The following RCOR3 variants were observed in gnomAD, a reference collection of about 807,000 sequenced individuals.
RCOR3 encodes the protein REST corepressor 3.
In RCOR3, 13 loss-of-function variants were observed where a neutral mutation model predicts 64.1. That is an observed-to-expected ratio of 0.20 (90% CI 0.13 to 0.32). The LOEUF (loss-of-function observed/expected upper bound fraction) is 0.32. Ranked by LOEUF, RCOR3 falls within the 10% of genes least tolerant of loss-of-function variation. RCOR3 has a pLI of 1.00. For missense variants in RCOR3, 489 were observed against 701.2 expected, an observed-to-expected ratio of 0.70 and a Z score of 3.42; for synonymous variants, 215 against 239.0, an observed-to-expected ratio of 0.90 and a Z score of 0.93.
At chr1:211,297,277 C>T (rs935835077) in intron 9 of RCOR3, among the ~76,000 whole-genome samples, 5 of 152,046 alleles carry the variant, frequency 3.3e-5, no homozygotes, top group African/African-American at 1.2e-4. Flanking sequence ...TATAGCTTCC[C>T]TATGTGCTAT....
chr1:211,308,698 T>TTTTTTTTGTGTG (rs1701171863), intron 10 of RCOR3, among the ~76,000 whole-genome samples: 1 of 40,846 alleles, frequency 2.4e-5, no homozygotes, highest in African/African-American at 6.9e-5. Context: ...TTTTTTTTTT[T>TTTTTTTTGTGTG]TGTGTAGTCC....
chr1:211,266,511 A>C (rs1323107109), intron 2 of RCOR3, among the ~76,000 whole-genome samples: 1 of 152,124 alleles, frequency 6.6e-6, no homozygotes, highest in Non-Finnish European at 1.5e-5. Flanking sequence ...CAACAATTTC[A>C]TTTTCAGAAC....
intron 2 of RCOR3, among the ~76,000 whole-genome samples, chr1:211,269,983 T>G (rs1695883449): frequency 6.6e-6 from 1 of 152,042 alleles, no homozygotes; most frequent in Non-Finnish European, 1.5e-5. Flanking sequence ...AGAAAGAAAT[T>G]AGAAAATGTT....
At chr1:211,268,601 TC>T (rs1427777664) in intron 2 of RCOR3, among the ~76,000 whole-genome samples, 6 of 152,054 alleles carry the variant, frequency 3.9e-5, no homozygotes, top group Non-Finnish European at 8.8e-5. Context: ...GGTCTCGAAC[TC>T]CCGACCTCAG....
chr1:211,308,587 G>T (rs1356611997), intron 10 of RCOR3, among the ~76,000 whole-genome samples: 1 of 148,140 alleles, frequency 6.8e-6, no homozygotes, highest in African/African-American at 2.5e-5. Context: ...AAATTTTGCT[G>T]TGAAAGCCAG....
In RCOR3 at chr1:211,285,427, C is replaced by T. The variant is rs546266887; in HGVS notation, c.721-3751C>T. ...TGCCATAATGGCTGGTTTCCTCCAA[C>T]GTAATCAATCCCGGAAGCACTAAGT... is the stretch of plus-strand genomic sequence containing the variant. On this transcript the variant is annotated intron_variant, in intron 7 of 11. Coordinates refer to ENST00000419091, the MANE Select transcript of RCOR3 (RefSeq NM_001136223.3). Among the ~76,000 whole-genome samples, 9 of 152,294 alleles carry T rather than the reference C, an allele frequency of 5.9e-5. No individual in the cohort carries two copies. In the South Asian group the frequency reaches 6.2e-4, roughly 11 times the overall value.
intron 9 of RCOR3, chr1:211,303,790 C>T (rs958874514): frequency 5.1e-6 from 1 of 194,350 alleles, no homozygotes; most frequent in Non-Finnish European, 1.0e-5. Context: ...AGTGAAACCC[C>T]GTTGGGAAAT....
At chr1:211,287,279 T>C (rs762118742) in intron 7 of RCOR3, among the ~76,000 whole-genome samples, 2 of 152,168 alleles carry the variant, frequency 1.3e-5, no homozygotes, top group Non-Finnish European at 2.9e-5. Flanking sequence ...CACAAAGTGA[T>C]GGAGTTCCCC....
At chr1:211,271,497 A>G in intron 3 of RCOR3, 188 bp downstream of exon 3, 1 of 656,642 alleles carries the variant, frequency 1.5e-6, no homozygotes, top group South Asian at 1.5e-5. Flanking sequence ...CTTTTGGAAG[A>G]TAGTGGGTTG....
chr1:211,261,923 C>CA lies in RCOR3; in HGVS notation c.223+1777dup, dbSNP rs1158597755. Reference sequence around the variant, plus strand: ...TGGGCAACAGAGTGAGACTCCATCTCAAAAAAAAAAAAAAAAAACTGAATT... The same window carrying CA: ...TGGGCAACAGAGTGAGACTCCATCTCAAAAAAAAAAAAAAAAAAACTGAATT... On this transcript the variant is annotated intron_variant, in intron 2 of 11. Coordinates refer to ENST00000419091, the MANE Select transcript of RCOR3 (RefSeq NM_001136223.3). Among the ~76,000 whole-genome samples, 49 of 34,126 alleles carry CA rather than the reference C, an allele frequency of 1.4e-3. 3 individuals are homozygous for CA. The highest frequency in any genetic ancestry group is 5.5e-3 in the African/African-American group (45 of 8,248). The allele number at this position is 34,126 out of a possible 152,430, so 22.4% of individuals were successfully genotyped here. A position where few individuals can be genotyped will look rare whatever the true frequency, so the allele number is the denominator to read the frequency against.
At chr1:211,264,238 A>C (rs1265488003) in intron 2 of RCOR3, among the ~76,000 whole-genome samples, 1 of 152,184 alleles carries the variant, frequency 6.6e-6, no homozygotes, top group Non-Finnish European at 1.5e-5. Flanking sequence ...TTGTTGACCC[A>C]TAGCTCTAGA....
At chr1:211,260,314 G>C (rs1232754631) in intron 2 of RCOR3, 150 bp downstream of exon 2, 3 of 671,228 alleles carry the variant, frequency 4.5e-6, no homozygotes, top group East Asian at 2.7e-5. Context: ...AGGCTTGGCC[G>C]GGCTGTGACA....
At position 211,285,274 on chromosome 1, in the gene RCOR3, C is replaced by T. The variant is rs1228526480; in HGVS notation, c.721-3904C>T. 3.3e-5 allele frequency among the ~76,000 whole-genome samples: 5 copies of T among 152,112 alleles called. No homozygotes were observed. In the East Asian group the frequency reaches 7.7e-4, roughly 23 times the overall value. On this transcript the variant is annotated intron_variant, in intron 7 of 11. Coordinates refer to ENST00000419091, the MANE Select transcript of RCOR3 (RefSeq NM_001136223.3). ...ATCGTAAAGAGAATCGTTTTTGTTT[C>T]AACATCAAGTAGGTTGTTATTAAAG...
intron 10 of RCOR3, among the ~76,000 whole-genome samples, chr1:211,311,918 G>A (rs1009981653): frequency 1.3e-5 from 2 of 151,958 alleles, no homozygotes. Context: ...AACTTCCTTA[G>A]TGTAAAGTTA....
At chr1:211,270,665 GAT>G (rs935468657) in intron 2 of RCOR3, among the ~76,000 whole-genome samples, 84 of 152,202 alleles carry the variant, frequency 5.5e-4, no homozygotes, top group African/African-American at 2.0e-3. Flanking sequence ...GTCAAGTAGA[GAT>G]ATGTAATGTA....
chr1:211,259,821 C>T, intron 1 of RCOR3, 95 bp downstream of exon 1: 1 of 1,202,156 alleles, frequency 8.3e-7, no homozygotes, highest in Non-Finnish European at 1.1e-6. Context: ...CGCCCTCCCT[C>T]CCCTCAGAGC....
chr1:211,285,386 G>C (rs1698393469), intron 7 of RCOR3, among the ~76,000 whole-genome samples: 1 of 152,218 alleles, frequency 6.6e-6, no homozygotes, highest in African/African-American at 2.4e-5. Context: ...GGTGGTCTCT[G>C]AGTAATCTAA....
chr1:211,262,723 C>CAATG (rs1694531610), intron 2 of RCOR3, among the ~76,000 whole-genome samples: 1 of 151,728 alleles, frequency 6.6e-6, no homozygotes, highest in Non-Finnish European at 1.5e-5. Context: ...CATTGGAAAG[C>CAATG]ATCTTTTTTG....
intron 7 of RCOR3, among the ~76,000 whole-genome samples, chr1:211,280,252 A>C (rs1015580773): frequency 6.6e-6 from 1 of 152,160 alleles, no homozygotes; most frequent in East Asian, 1.9e-4. Flanking sequence ...TGTCACAGAG[A>C]AAGTGTCAGA....
Sources: allele counts gnomAD v4.1 joint callset (sites outside exome capture counted in the v4.1 genomes callset), GRCh38; gene constraint gnomAD v4.1.1; transcripts MANE v1.5; gene names NCBI Gene and HGNC (gene_info 2026-07-23, HGNC 2026-07-21).